Variants in RAB7A observed in about 807,000 individuals in gnomAD.
RAB7A encodes the protein ras-related protein Rab-7a.
RAB7A carries 2 observed loss-of-function variants against 24.5 expected under a neutral mutation model. The observed-to-expected ratio is 0.08, with a 90% CI of 0.03 to 0.26. The LOEUF (loss-of-function observed/expected upper bound fraction) is 0.26. RAB7A is among the 10% of genes least tolerant of loss of function. RAB7A has a pLI of 1.00. For synonymous variants in RAB7A, 100 were observed against 95.9 expected, an observed-to-expected ratio of 1.04 and a Z score of -0.25; for missense variants, 118 against 255.7, an observed-to-expected ratio of 0.46 and a Z score of 3.67.
At chr3:128,808,357 C>T (rs1933848948) in intron 5 of RAB7A, among the ~76,000 whole-genome samples, 1 of 151,740 alleles carries the variant, frequency 6.6e-6, no homozygotes, top group Non-Finnish European at 1.5e-5. Context: ...GGGACTCTGT[C>T]TAAAAAAAAT....
At chr3:128,753,466 T>C (rs1342980367) in intron 1 of RAB7A, among the ~76,000 whole-genome samples, 1 of 152,170 alleles carries the variant, frequency 6.6e-6, no homozygotes, top group Non-Finnish European at 1.5e-5. Flanking sequence ...TTAACCTCAA[T>C]AAAAAATATT....
chr3:128,765,774 T>C (rs868728061), intron 1 of RAB7A, among the ~76,000 whole-genome samples: 28 of 107,664 alleles, frequency 2.6e-4, no homozygotes, highest in Middle Eastern at 4.4e-3. Flanking sequence ...TTTTTTTTTT[T>C]TCCCGAGACA....
intron 1 of RAB7A, among the ~76,000 whole-genome samples, chr3:128,738,405 T>C (rs1448143584): frequency 6.6e-6 from 1 of 152,176 alleles, no homozygotes; most frequent in Non-Finnish European, 1.5e-5. Flanking sequence ...CTGGCTTTGT[T>C]TTTTTTGATA....
At chr3:128,740,165 G>A (rs1051554297) in intron 1 of RAB7A, among the ~76,000 whole-genome samples, 41 of 152,196 alleles carry the variant, frequency 2.7e-4, no homozygotes, top group African/African-American at 9.9e-4. Flanking sequence ...GGATCACGAG[G>A]TCAGGAGATC....
chr3:128,770,004 T>C (rs1250458019), intron 1 of RAB7A, among the ~76,000 whole-genome samples: 3 of 150,994 alleles, frequency 2.0e-5, no homozygotes, highest in African/African-American at 4.8e-5. Flanking sequence ...TTTCCTTTTT[T>C]CTTTTTTTTT....
intron 3 of RAB7A, among the ~76,000 whole-genome samples, chr3:128,800,354 T>G (rs1425146222): frequency 6.6e-6 from 1 of 152,168 alleles, no homozygotes; most frequent in Non-Finnish European, 1.5e-5. Flanking sequence ...ATAGAACTTC[T>G]CCAGCTGAGC....
rs562864212 is a variant in RAB7A, at chr3:128,744,881, T to C, written c.-9+18522T>C. Among the ~76,000 whole-genome samples, 41 of 151,456 alleles carry C rather than the reference T, an allele frequency of 2.7e-4. 1 individual carries two copies. The highest frequency in any genetic ancestry group is 9.9e-4 in the African/African-American group (41 of 41,308). On this transcript the variant is annotated intron_variant, in intron 1 of 5. Transcript: ENST00000265062. ...CTTTTTCTTTTTTTCTTTTTCTTTT[T>C]TTTTTTTTTTGAGACAGATTCTCGC...
intron 1 of RAB7A, chr3:128,765,074 G>C: frequency 1.0e-6 from 1 of 995,410 alleles, no homozygotes; most frequent in Admixed American, 2.0e-5. Flanking sequence ...GCGGCGGCGG[G>C]GGCCTTGGGA....
intron 3 of RAB7A, 53 bp from the exon 4 acceptor site, chr3:128,806,319 C>T (rs1200178766): frequency 2.0e-6 from 3 of 1,521,302 alleles, no homozygotes; most frequent in Non-Finnish European, 2.7e-6. Flanking sequence ...CATACATGCT[C>T]CTGGTGCTCT....
intron 1 of RAB7A, among the ~76,000 whole-genome samples, chr3:128,744,180 C>T (rs1427783799): frequency 1.3e-5 from 2 of 152,038 alleles, no homozygotes; most frequent in African/African-American, 2.4e-5. Flanking sequence ...TTGAGCCCTG[C>T]GGTTGGAGGC....
intron 5 of RAB7A, 151 bp from the exon 6 acceptor site, chr3:128,813,176 C>T (rs1479505666): frequency 1.3e-6 from 1 of 791,488 alleles, no homozygotes; most frequent in East Asian, 2.5e-5. Context: ...CCAGAGCGCT[C>T]CCTTAACTGT....
rs567759621 is a variant in RAB7A at position 128,804,205 on chromosome 3, A to G, written c.181-2167A>G. On this transcript the variant is annotated intron_variant, in intron 3 of 5. Transcript: ENST00000265062. ...TTTAATGCCAAAAGTCACACCCAGG[A>G]TGGAGATTTAACCTGCTAGTGCTAC... Among the ~76,000 whole-genome samples the G allele has an allele frequency of 3.3e-5, 5 of 151,450 alleles. No individual in the cohort carries two copies. In the South Asian group the frequency reaches 1.1e-3, roughly 32 times the overall value.
chr3:128,781,749 G>A lies in RAB7A; in HGVS notation c.-8-13611G>A, dbSNP rs1040465951. Among the ~76,000 whole-genome samples, 11 of 150,298 alleles carry A rather than the reference G, an allele frequency of 7.3e-5. No individual in the cohort carries two copies. The East Asian group carries it at 2.2e-3, about 30-fold the overall frequency. Reference sequence around the variant, plus strand: ...CCCATGGTTGTGGCCGGGCACGGTGGCTTACTGTAATCCCAGCACTTTGGG... The same window carrying A: ...CCCATGGTTGTGGCCGGGCACGGTGACTTACTGTAATCCCAGCACTTTGGG... On this transcript the variant is annotated intron_variant, in intron 1 of 5. Coordinates refer to ENST00000265062, the MANE Select transcript of RAB7A (RefSeq NM_004637.6).
chr3:128,757,005 G>A (rs1207928225), intron 1 of RAB7A, among the ~76,000 whole-genome samples: 1 of 151,840 alleles, frequency 6.6e-6, no homozygotes, highest in African/African-American at 2.4e-5. Context: ...CACCACGCCC[G>A]GCTCATTTTT....
Position 128,765,135 on chromosome 3 carries a change from G to A in RAB7A, c.-8-30225G>A, listed in dbSNP as rs938995724. 6.8e-5 allele frequency: 48 copies of A among 707,626 alleles called. No individual in the cohort carries two copies. In the African/African-American group the frequency reaches 6.8e-4, roughly 10 times the overall value. The allele number at this position is 707,626 out of a possible 1,614,324, so 43.8% of individuals were successfully genotyped here. On this transcript the variant is annotated intron_variant, in intron 1 of 5. Coordinates refer to ENST00000265062, the MANE Select transcript of RAB7A (RefSeq NM_004637.6). ...GACAGAGGGCTGGCTACGGGCGGCC[G>A]GCCGGGGTGGGGGACGAGCGCTGGG...
At position 128,813,861 on chromosome 3, in the gene RAB7A, T is replaced by G; in HGVS notation, c.*439T>G. Reference sequence around the variant, plus strand: ...GTCTTGTGGTCTTTTTACCCCCCCTTTCCCCTCCCTCCTTGAAGGCTACCC... The same window carrying G: ...GTCTTGTGGTCTTTTTACCCCCCCTGTCCCCTCCCTCCTTGAAGGCTACCC... On this transcript the variant is annotated 3_prime_UTR_variant, in exon 6 of 6. Transcript: ENST00000265062. 1 of 261,720 alleles carries G rather than the reference T, an allele frequency of 3.8e-6. No homozygotes were observed. 16.2% of individuals were successfully genotyped at this position (261,720 alleles called of 1,614,324 possible). A position where few individuals can be genotyped will look rare whatever the true frequency, so the allele number is the denominator to read the frequency against.
intron 1 of RAB7A, among the ~76,000 whole-genome samples, chr3:128,737,152 C>T (rs1433595587): frequency 6.6e-6 from 1 of 151,756 alleles, no homozygotes; most frequent in Non-Finnish European, 1.5e-5. Flanking sequence ...CTTCTCCTGC[C>T]TCAGCTTCCC....
chr3:128,797,291 G>T (rs1414980313), intron 2 of RAB7A, among the ~76,000 whole-genome samples: 1 of 151,878 alleles, frequency 6.6e-6, no homozygotes, highest in African/African-American at 2.4e-5. Context: ...CACTGGCTAT[G>T]GGGGGGAAGG....
intron 1 of RAB7A, among the ~76,000 whole-genome samples, chr3:128,756,508 A>G (rs1350253071): frequency 6.6e-6 from 1 of 152,200 alleles, no homozygotes; most frequent in African/African-American, 2.4e-5. Flanking sequence ...AAAGAAATTA[A>G]AGACTTTAAT....
Sources: gnomAD v4.1 joint callset for allele counts (sites outside exome capture counted in the v4.1 genomes callset) on GRCh38, gnomAD v4.1.1 for gene constraint, MANE v1.5 for transcripts, NCBI Gene and HGNC (gene_info 2026-07-23, HGNC 2026-07-21) for gene names.